Variants in CCSER1 observed in about 807,000 individuals in gnomAD.
CCSER1 encodes serine-rich coiled-coil domain-containing protein 1.
In CCSER1, 41 loss-of-function variants were observed where a neutral mutation model predicts 82.0. The ratio of observed to expected loss-of-function variants is 0.50; its 90% CI spans 0.39 to 0.65. CCSER1 has a LOEUF of 0.65. Ranked by LOEUF, CCSER1 falls within the 30% of genes least tolerant of loss-of-function variation. The probability of loss-of-function intolerance (pLI) is 0.00; values close to 1 mark genes in which losing one functional copy is unlikely to be tolerated. For synonymous variants in CCSER1, 414 were observed against 383.9 expected, an observed-to-expected ratio of 1.08 and a Z score of -0.92; for missense variants, 1,119 against 1,064.2, an observed-to-expected ratio of 1.05 and a Z score of -0.72.
rs538230220 is a variant in CCSER1, at chr4:91,593,411, A to T, written c.2218-5161A>T. Among the ~76,000 whole-genome samples the T allele has an allele frequency of 1.1e-4, 16 of 150,158 alleles. 1 individual carries two copies. The South Asian group carries it at 3.2e-3, about 30-fold the overall frequency. ...AGAAAGCCAAGGAAAAAAACAGGGT[A>T]TAATTTTAATATTAATGAAATAAAT... is the stretch of plus-strand genomic sequence containing the variant. On this transcript the variant is annotated intron_variant, in intron 10 of 10. Transcript: ENST00000509176.
At chr4:90,645,683 A>G (rs778849203) in intron 6 of CCSER1, among the ~76,000 whole-genome samples, 1 of 152,228 alleles carries the variant, frequency 6.6e-6, no homozygotes, top group African/African-American at 2.4e-5. Flanking sequence ...TCATAAAAAC[A>G]TGCTTTGATA....
chr4:90,237,206 T>G (rs916437555), intron 1 of CCSER1, among the ~76,000 whole-genome samples: 1 of 152,232 alleles, frequency 6.6e-6, no homozygotes, highest in Non-Finnish European at 1.5e-5. Context: ...AAGATGCTAA[T>G]GTTCTCTTAA....
At chr4:90,977,970 A>C (rs2150413771) in intron 9 of CCSER1, among the ~76,000 whole-genome samples, 1 of 151,808 alleles carries the variant, frequency 6.6e-6, no homozygotes, top group Non-Finnish European at 1.5e-5. Context: ...TGATGTCATT[A>C]ATTAACTGAT....
At chr4:91,556,660 A>G (rs1762422368) in intron 10 of CCSER1, among the ~76,000 whole-genome samples, 1 of 151,130 alleles carries the variant, frequency 6.6e-6, no homozygotes, top group Non-Finnish European at 1.5e-5. Context: ...CGACTCCATG[A>G]TCTTAGGGTA....
At chr4:91,393,274 T>C (rs1751771264) in intron 10 of CCSER1, among the ~76,000 whole-genome samples, 1 of 152,114 alleles carries the variant, frequency 6.6e-6, no homozygotes, top group Non-Finnish European at 1.5e-5. Flanking sequence ...GTTATTTAAA[T>C]AATTGATAAA....
chr4:91,328,818 TC>T (rs1468547035), intron 10 of CCSER1, among the ~76,000 whole-genome samples: 2 of 152,130 alleles, frequency 1.3e-5, no homozygotes, highest in Non-Finnish European at 2.9e-5. Context: ...ATTGTAATGA[TC>T]CCCACATGTC....
chr4:91,447,029 G>C (rs1431411169), intron 10 of CCSER1, among the ~76,000 whole-genome samples: 1 of 152,054 alleles, frequency 6.6e-6, no homozygotes, highest in African/African-American at 2.4e-5. Flanking sequence ...CTTTAGCACA[G>C]GGACATGGGG....
At chr4:90,251,318 T>A (rs1052635761) in intron 1 of CCSER1, among the ~76,000 whole-genome samples, 1 of 151,918 alleles carries the variant, frequency 6.6e-6, no homozygotes, top group African/African-American at 2.4e-5. Flanking sequence ...TAATTTTAGA[T>A]GTGAAAGCAT....
intron 9 of CCSER1, among the ~76,000 whole-genome samples, chr4:90,989,634 A>C (rs1736855601): frequency 6.6e-6 from 1 of 151,822 alleles, no homozygotes; most frequent in Admixed American, 6.6e-5. Context: ...TCCTTTTGAA[A>C]GGTGGAAGGA....
intron 1 of CCSER1, among the ~76,000 whole-genome samples, chr4:90,249,613 C>T (rs1187018915): frequency 6.6e-6 from 1 of 152,120 alleles, no homozygotes; most frequent in African/African-American, 2.4e-5. Flanking sequence ...TTGTGACTGG[C>T]TCCTTTCACT....
At chr4:91,168,539 G>T (rs1230982721) in intron 10 of CCSER1, among the ~76,000 whole-genome samples, 10 of 147,308 alleles carry the variant, frequency 6.8e-5, no homozygotes, top group Non-Finnish European at 1.5e-4. Context: ...GGTGAGGAGT[G>T]CCTCTGCCCG....
chr4:91,074,296 T>C (rs1721732296), intron 9 of CCSER1, among the ~76,000 whole-genome samples: 1 of 152,164 alleles, frequency 6.6e-6, no homozygotes, highest in African/African-American at 2.4e-5. Flanking sequence ...GCTTGGTACA[T>C]AGAGAACATG....
At chr4:90,249,787 T>A (rs986507322) in intron 1 of CCSER1, among the ~76,000 whole-genome samples, 2 of 152,192 alleles carry the variant, frequency 1.3e-5, no homozygotes, top group Non-Finnish European at 2.9e-5. Flanking sequence ...TTATGAATAA[T>A]GCTGCTATGA....
intron 9 of CCSER1, among the ~76,000 whole-genome samples, chr4:90,969,079 T>C (rs1734839541): frequency 6.6e-6 from 1 of 151,692 alleles, no homozygotes; most frequent in Non-Finnish European, 1.5e-5. Context: ...TCTGTGAATG[T>C]AAAGACAGGT....
In CCSER1 at chr4:91,318,567, A is replaced by G. The variant is rs557549465; in HGVS notation, c.2217+232573A>G. Among the ~76,000 whole-genome samples the G allele has an allele frequency of 4.9e-4, 74 of 152,174 alleles. 1 individual carries two copies. The highest frequency in any genetic ancestry group is 1.0e-3 in the Admixed American group (16 of 15,260). On this transcript the variant is annotated intron_variant, in intron 10 of 10. Transcript: ENST00000509176. ...GCAAAACAAGGATAATATTAACCAA[A>G]TAAGATTATTGTAAGGATCAAATCA... is the stretch of plus-strand genomic sequence containing the variant.
intron 4 of CCSER1, among the ~76,000 whole-genome samples, chr4:90,444,756 T>C (rs1760389898): frequency 1.3e-5 from 2 of 152,070 alleles, no homozygotes; most frequent in Admixed American, 1.3e-4. Flanking sequence ...TAGAAACTCA[T>C]GTTTTATGTA....
intron 10 of CCSER1, among the ~76,000 whole-genome samples, chr4:91,449,434 G>A (rs1172812489): frequency 6.6e-6 from 1 of 151,964 alleles, no homozygotes; most frequent in African/African-American, 2.4e-5. Flanking sequence ...CATTTAGACA[G>A]TTTAAATTGT....
rs145631730 is a variant in CCSER1 at position 90,502,411 on chromosome 4, T to C, written c.1724+34057T>C. 4.4e-3 allele frequency among the ~76,000 whole-genome samples: 672 copies of C among 152,256 alleles called. 7 individuals are homozygous for C. Among genetic ancestry groups the C allele is most frequent in the African/African-American group, 0.016 (650 of 41,568 alleles). On this transcript the variant is annotated intron_variant, in intron 5 of 10. Coordinates refer to ENST00000509176, the MANE Select transcript of CCSER1 (RefSeq NM_001145065.2). ...AATCTGTCCCCATGATCCAATCACC[T>C]CCCACCAGGTCCTTCCCTTAACATT...
intron 10 of CCSER1, among the ~76,000 whole-genome samples, chr4:91,467,931 G>A (rs569551773): frequency 6.6e-6 from 1 of 152,300 alleles, no homozygotes; most frequent in Non-Finnish European, 1.5e-5. Flanking sequence ...AACCATTGTG[G>A]AAGACAGTGT....
Sources: allele counts gnomAD v4.1 joint callset (sites outside exome capture counted in the v4.1 genomes callset), GRCh38; gene constraint gnomAD v4.1.1; transcripts MANE v1.5; gene names NCBI Gene and HGNC (gene_info 2026-07-23, HGNC 2026-07-21).